POU6F2: variants seen among roughly 807,000 people sequenced by gnomAD.
The protein encoded by POU6F2 is POU domain, class 6, transcription factor 2.
In POU6F2, 31 loss-of-function variants were observed where a neutral mutation model predicts 71.3. The ratio of observed to expected loss-of-function variants is 0.43; its 90% confidence interval spans 0.33 to 0.59. The LOEUF (loss-of-function observed/expected upper bound fraction) is 0.59. Among genes scored for constraint, POU6F2 ranks in the 20% least tolerant of loss-of-function variants. The probability of loss-of-function intolerance (pLI) is 0.04; values close to 1 mark genes in which losing one functional copy is unlikely to be tolerated. For missense variants in POU6F2, 783 were observed against 856.8 expected (o/e 0.91, Z 1.07); for synonymous variants, 347 against 355.7 (o/e 0.98, Z 0.27).
At position 39,350,753 on chromosome 7, in the gene POU6F2, A is replaced by C. The variant is rs12111605; in HGVS notation, c.972+10738A>C. ...AGTGAGTATCTTCATACCAGAAAGG[A>C]AGACCTGCATGTAATCAAATATTTT... On this transcript the variant is annotated intron_variant, in intron 5 of 9. Coordinates refer to ENST00000518318, the MANE Select transcript of POU6F2 (RefSeq NM_001370959.1). Among the ~76,000 whole-genome samples, 460 of 152,366 alleles carry C rather than the reference A, an allele frequency of 3.0e-3. 3 individuals are homozygous for C. Among genetic ancestry groups the C allele is most frequent in the African/African-American group, 0.011 (438 of 41,580 alleles).
chr7:39,444,519 G>A (rs1788478635), intron 7 of POU6F2, among the ~76,000 whole-genome samples: 1 of 152,266 alleles, frequency 6.6e-6, no homozygotes, highest in Admixed American at 6.5e-5. Flanking sequence ...GGGAGGCAGA[G>A]GTTGCGGTGA....
intron 2 of POU6F2, among the ~76,000 whole-genome samples, chr7:39,203,769 C>T (rs1347375900): frequency 1.3e-5 from 2 of 151,848 alleles, no homozygotes; most frequent in East Asian, 1.9e-4. Context: ...TTCAGGAAAG[C>T]GATGTCATAA....
At chr7:39,391,118 C>A (rs1787068168) in intron 5 of POU6F2, among the ~76,000 whole-genome samples, 1 of 152,166 alleles carries the variant, frequency 6.6e-6, no homozygotes, top group Admixed American at 6.5e-5. Context: ...ACATTATGAA[C>A]TTCCATTTTA....
chr7:39,412,778 C>CTTTTTTTTTTTTTTT lies in POU6F2; in HGVS notation c.1113+6065_1113+6079dup, dbSNP rs1166811956. On this transcript the variant is annotated intron_variant, in intron 6 of 9. Coordinates refer to ENST00000518318, the MANE Select transcript of POU6F2 (RefSeq NM_001370959.1). ...TCCGTATTAGCTTCAGTTTTCTTGC[C>CTTTTTTTTTTTTTTT]TTTTTTTTTTTTTTTTTTTTTTTTT... is the stretch of plus-strand genomic sequence containing the variant. 7.8e-4 allele frequency among the ~76,000 whole-genome samples: 18 copies of CTTTTTTTTTTTTTTT among 23,192 alleles called. 9 individuals carry two copies. The highest frequency in any genetic ancestry group is 1.7e-3 in the Non-Finnish European group (16 of 9,474). The allele number at this position is 23,192 out of a possible 152,430, so 15.2% of individuals were successfully genotyped here. A position where few individuals can be genotyped will look rare whatever the true frequency, so the allele number is the denominator to read the frequency against.
intron 5 of POU6F2, among the ~76,000 whole-genome samples, chr7:39,392,962 C>A (rs1787104800): frequency 6.6e-6 from 1 of 152,204 alleles, no homozygotes; most frequent in Non-Finnish European, 1.5e-5. Context: ...CTGCTCTCTT[C>A]TTCCTAAATG....
At chr7:39,217,327 CAG>C (rs1176187378) in intron 4 of POU6F2, among the ~76,000 whole-genome samples, 1 of 151,224 alleles carries the variant, frequency 6.6e-6, no homozygotes, top group African/African-American at 2.4e-5. Flanking sequence ...AAATTGCTGG[CAG>C]GGAGTGGGTG....
At chr7:39,009,944 T>A (rs1411434410) in intron 1 of POU6F2, among the ~76,000 whole-genome samples, 1 of 151,996 alleles carries the variant, frequency 6.6e-6, no homozygotes, top group Non-Finnish European at 1.5e-5. Context: ...ATTGAGGATT[T>A]TTGCATCGAT....
chr7:39,319,942 C>A (rs1785350316), intron 4 of POU6F2, among the ~76,000 whole-genome samples: 1 of 152,194 alleles, frequency 6.6e-6, no homozygotes, highest in Non-Finnish European at 1.5e-5. Context: ...CAGACATCCT[C>A]TATGCATCTT....
At chr7:39,009,317 C>A (rs1050699954) in intron 1 of POU6F2, among the ~76,000 whole-genome samples, 1 of 151,792 alleles carries the variant, frequency 6.6e-6, no homozygotes, top group African/African-American at 2.4e-5. Context: ...TGATTTGGCT[C>A]TCTGTTTGTC....
At chr7:39,242,517 G>A (rs1381061019) in intron 4 of POU6F2, among the ~76,000 whole-genome samples, 1 of 151,332 alleles carries the variant, frequency 6.6e-6, no homozygotes, top group Non-Finnish European at 1.5e-5. Context: ...ATCTTTTTCA[G>A]TAAAGTGTCT....
intron 2 of POU6F2, among the ~76,000 whole-genome samples, chr7:39,101,431 CT>C (rs1165597494): frequency 6.7e-6 from 1 of 148,834 alleles, no homozygotes; most frequent in East Asian, 2.1e-4. Flanking sequence ...AGAAGAATTG[CT>C]TTTTCTAGGC....
chr7:39,462,554 G>A (rs1788974555), intron 9 of POU6F2, among the ~76,000 whole-genome samples: 1 of 152,130 alleles, frequency 6.6e-6, no homozygotes, highest in Admixed American at 6.5e-5. Flanking sequence ...GTCCCCTCGT[G>A]CCTTGACACT....
At chr7:39,324,698 C>G (rs1486847738) in intron 4 of POU6F2, among the ~76,000 whole-genome samples, 1 of 152,170 alleles carries the variant, frequency 6.6e-6, no homozygotes, top group Non-Finnish European at 1.5e-5. Flanking sequence ...TGGCAGAAAT[C>G]CATGAGACAT....
intron 1 of POU6F2, among the ~76,000 whole-genome samples, chr7:39,085,434 C>A (rs1791217956): frequency 1.3e-5 from 2 of 152,076 alleles, no homozygotes; most frequent in Admixed American, 1.3e-4. Flanking sequence ...ATAGGGTGCT[C>A]TTCCTTTTTA....
chr7:39,172,997 C>A (rs1345167513), intron 2 of POU6F2, among the ~76,000 whole-genome samples: 1 of 151,898 alleles, frequency 6.6e-6, no homozygotes, highest in Non-Finnish European at 1.5e-5. Context: ...CAAATGCAAC[C>A]CTCAGATGTT....
intron 1 of POU6F2, among the ~76,000 whole-genome samples, chr7:39,051,671 T>A (rs1790402961): frequency 6.6e-6 from 1 of 152,128 alleles, no homozygotes; most frequent in South Asian, 2.1e-4. Flanking sequence ...TAGCTATTCC[T>A]TTTATTTTGA....
At chr7:39,326,679 G>A (rs1226982342) in intron 4 of POU6F2, among the ~76,000 whole-genome samples, 4 of 152,184 alleles carry the variant, frequency 2.6e-5, no homozygotes, top group East Asian at 1.9e-4. Flanking sequence ...TAAATTTTTT[G>A]TCTTAAAGAA....
intron 2 of POU6F2, among the ~76,000 whole-genome samples, chr7:39,115,149 G>A (rs1431645142): frequency 1.3e-5 from 2 of 152,150 alleles, no homozygotes; most frequent in Non-Finnish European, 2.9e-5. Flanking sequence ...GATCCAGATG[G>A]ATGCCCATGA....
At chr7:39,398,924 A>G (rs1300982269) in intron 5 of POU6F2, among the ~76,000 whole-genome samples, 1 of 152,220 alleles carries the variant, frequency 6.6e-6, no homozygotes, top group Non-Finnish European at 1.5e-5. Flanking sequence ...TTTTACTACA[A>G]CTAAAGAAAC....
Sources: allele counts gnomAD v4.1 joint callset (sites outside exome capture counted in the v4.1 genomes callset), GRCh38; gene constraint gnomAD v4.1.1; transcripts MANE v1.5; gene names NCBI Gene and HGNC (gene_info 2026-07-23, HGNC 2026-07-21).